Variants in PNCK observed in about 807,000 individuals in gnomAD.
PNCK encodes the protein calcium/calmodulin-dependent protein kinase type 1B.
Under a neutral mutation model 28.3 loss-of-function variants are expected in PNCK, and 21 were observed. That is an observed-to-expected ratio of 0.74 (90% CI 0.53 to 1.07). PNCK has a LOEUF of 1.07. PNCK is among the 50% of genes least tolerant of loss of function. The pLI, the probability that PNCK is intolerant of heterozygous loss-of-function variation, is 0.00. For missense variants in PNCK, 250 were observed against 298.3 expected (o/e 0.84, Z 1.19); for synonymous variants, 136 against 125.2 (o/e 1.09, Z -0.58).
upstream of PNCK, among the ~76,000 whole-genome samples, chrX:153,677,010 G>A (rs1156466344): frequency 8.9e-5 from 10 of 111,869 alleles, no homozygotes; most frequent in African/African-American, 2.6e-4. Flanking sequence ...TGTGATCTCC[G>A]CTCACTACGA....
At chrX:153,686,347 A>C (rs1343406591) in intron 1 of PNCK, 2 of 109,654 alleles carry the variant, frequency 1.8e-5, no homozygotes, top group Admixed American at 1.9e-4. Context: ...GACAAGCAAC[A>C]TCTGAAAGTC....
upstream of PNCK, among the ~76,000 whole-genome samples, chrX:153,675,592 ATC>A (rs1374165617): frequency 2.2e-4 from 24 of 111,605 alleles, no homozygotes; most frequent in African/African-American, 7.8e-4. Context: ...CAGTAGTGCC[ATC>A]TCAGCTCACT....
At chrX:153,678,392 T>C (rs781871843), upstream of PNCK, among the ~76,000 whole-genome samples, 204 of 111,535 alleles carry the variant, frequency 1.8e-3, no homozygotes, top group African/African-American at 6.4e-3. Context: ...AGGTCAAGGC[T>C]ACAGTGAGCC....
At chrX:153,671,259 GAC>G in intron 7 of PNCK, 24 bp downstream of exon 7, 3 of 1,208,489 alleles carry the variant, frequency 2.5e-6, no homozygotes, top group Non-Finnish European at 3.4e-6. Flanking sequence ...GCAGGCAGGA[GAC>G]AAGCCTTCCC....
At chrX:153,673,584 C>G (rs1173749488) in intron 1 of PNCK, 196 bp downstream of exon 1, 1 of 294,352 alleles carries the variant, frequency 3.4e-6, no homozygotes, top group African/African-American at 2.9e-5. Context: ...CGCAGCCCAG[C>G]CCTCGGCGCC....
At chrX:153,675,440 C>T (rs782465185), upstream of PNCK, among the ~76,000 whole-genome samples, 30 of 112,119 alleles carry the variant, frequency 2.7e-4, 1 homozygote, top group South Asian at 7.8e-3. Context: ...TATTGGTCCA[C>T]GAGGTGACTC....
chrX:153,673,185 C>T (rs782659396), intron 1 of PNCK, 107 bp from the exon 2 acceptor site: 1 of 1,181,415 alleles, frequency 8.5e-7, no homozygotes, highest in South Asian at 1.9e-5. Flanking sequence ...ATTGCCGCTG[C>T]GCGCTCGACC....
At chrX:153,674,235 C>G, upstream of PNCK, 1 of 1,152,363 alleles carries the variant, frequency 8.7e-7, no homozygotes. Context: ...GCTCCCGGCA[C>G]TCACTGGGCT....
At chrX:153,672,486 C>T in intron 3 of PNCK, 80 bp downstream of exon 3, 1 of 1,146,217 alleles carries the variant, frequency 8.7e-7, no homozygotes, top group Non-Finnish European at 1.2e-6. Flanking sequence ...GGTTGGTGGC[C>T]AGGCCTGGAC....
chrX:153,673,124 CG>C, intron 1 of PNCK, 46 bp from the exon 2 acceptor site: 1 of 1,176,281 alleles, frequency 8.5e-7, no homozygotes, highest in South Asian at 1.9e-5. Context: ...CCCGCCCCGC[CG>C]GGGGCAAGGG....
intron 1 of PNCK, chrX:153,673,413 C>T (rs1295637952): frequency 1.4e-6 from 1 of 733,151 alleles, no homozygotes; most frequent in African/African-American, 2.2e-5. Flanking sequence ...CCCCCATCCA[C>T]ACATCTACAG....
upstream of PNCK, among the ~76,000 whole-genome samples, chrX:153,679,081 G>A (rs1249065641): frequency 3.6e-5 from 4 of 111,233 alleles, no homozygotes; most frequent in Non-Finnish European, 7.5e-5. Flanking sequence ...TGCCAATTAC[G>A]AATAAAGCTG....
At chrX:153,673,486 T>G in intron 1 of PNCK, 2 of 377,018 alleles carry the variant, frequency 5.3e-6, no homozygotes, top group East Asian at 5.4e-5. Context: ...AGGCACCCGC[T>G]GCCCAAGCCA....
chrX:153,670,713 G>T, intron 10 of PNCK, 31 bp downstream of exon 10: 1 of 1,171,078 alleles, frequency 8.5e-7, no homozygotes, highest in Non-Finnish European at 1.1e-6. Context: ...GGTGCGGCGG[G>T]CGACCACACT....
chrX:153,680,897 TG>T (rs1335783628), intron 1 of PNCK, among the ~76,000 whole-genome samples: 1 of 108,849 alleles, frequency 9.2e-6, no homozygotes, highest in African/African-American at 3.4e-5. Context: ...GGCGTGGTGG[TG>T]GGTGCCTGTA....
chrX:153,685,631 G>C (rs1043737354), intron 1 of PNCK, among the ~76,000 whole-genome samples: 11 of 112,722 alleles, frequency 9.8e-5, no homozygotes, highest in Non-Finnish European at 2.1e-4. Flanking sequence ...AAAACTCAGG[G>C]GGAACGCCCC....
In PNCK at chrX:153,670,052, G is replaced by A. The variant is rs1180397454; in HGVS notation, c.*86C>T. The A allele has an allele frequency of 1.1e-5, 3 of 275,927 alleles. No individual in the cohort carries two copies. Among genetic ancestry groups the A allele is most frequent in the Non-Finnish European group, 2.1e-5 (3 of 145,316 alleles). The allele number at this position is 275,927 out of a possible 1,213,427, so 22.7% of individuals were successfully genotyped here. A position where few individuals can be genotyped will look rare whatever the true frequency, so the allele number is the denominator to read the frequency against. Reference sequence around the variant, plus strand: ...AAATCCAGCAGAGGCCAGCCCCAGGGGGAGGGGTTGGGGGAGGGGACCGAA... The same window carrying A: ...AAATCCAGCAGAGGCCAGCCCCAGGAGGAGGGGTTGGGGGAGGGGACCGAA... On this transcript the variant is annotated 3_prime_UTR_variant, in exon 12 of 12. Coordinates refer to ENST00000340888, the MANE Select transcript of PNCK (RefSeq NM_001366977.1).
At chrX:153,683,180 G>A (rs907907487) in intron 1 of PNCK, among the ~76,000 whole-genome samples, 2 of 112,380 alleles carry the variant, frequency 1.8e-5, no homozygotes, top group African/African-American at 3.2e-5. Flanking sequence ...TCGCTCTGTC[G>A]CCCAGGCTGG....
At position 153,672,427 on chromosome X, in the gene PNCK, C is replaced by T. The variant is rs1356836145; in HGVS notation, c.200+139G>A. 17 of 951,598 alleles carry T rather than the reference C, an allele frequency of 1.8e-5. No homozygotes were observed. In the African/African-American group the frequency reaches 2.1e-4, roughly 12 times the overall value. The allele number at this position is 951,598 out of a possible 1,213,427, so 78.4% of individuals were successfully genotyped here. ...GATCAATATCAACTCACTCCCTTTG[C>T]CACAGGGATGTGCAGGCCCAGAGAG... On this transcript the variant is annotated intron_variant, in intron 3 of 11. Coordinates refer to ENST00000340888, the MANE Select transcript of PNCK (RefSeq NM_001366977.1).
Sources: gnomAD v4.1 joint callset for allele counts (sites outside exome capture counted in the v4.1 genomes callset) on GRCh38, gnomAD v4.1.1 for gene constraint, MANE v1.5 for transcripts, NCBI Gene and HGNC (gene_info 2026-07-23, HGNC 2026-07-21) for gene names.